Variants in ANO10 observed in about 807,000 individuals in gnomAD.
The protein encoded by ANO10 is anoctamin 10.
Under a neutral mutation model 74.7 loss-of-function variants are expected in ANO10, and 77 were observed. The observed-to-expected ratio is 1.03, with a 90% CI of 0.86 to 1.25. The LOEUF (loss-of-function observed/expected upper bound fraction) is 1.25, where lower values mean the gene tolerates loss of function less well. ANO10 is among the 50% of genes most tolerant of loss of function. The pLI is 0.00. For missense variants in ANO10, 721 were observed against 778.1 expected (o/e 0.93, Z 0.87); for synonymous variants, 279 against 284.9 (o/e 0.98, Z 0.21).
chr3:43,595,513 CAT>C (rs2082033053), intron 4 of ANO10, among the ~76,000 whole-genome samples: 1 of 152,158 alleles, frequency 6.6e-6, no homozygotes, highest in Admixed American at 6.5e-5. Context: ...ACAAAAACCA[CAT>C]GATTATCTCA....
intron 2 of ANO10, among the ~76,000 whole-genome samples, chr3:43,604,371 G>C (rs563340489): frequency 2.0e-5 from 3 of 152,024 alleles, no homozygotes; most frequent in Non-Finnish European, 4.4e-5. Context: ...TGTGGGTATT[G>C]TGCAGAGTAA....
chr3:43,467,407 T>C (rs535684693), intron 11 of ANO10, among the ~76,000 whole-genome samples: 1 of 152,348 alleles, frequency 6.6e-6, no homozygotes, highest in South Asian at 2.1e-4. Flanking sequence ...GGAATAAATA[T>C]TTAGCAATAT....
chr3:43,655,058 A>G (rs2083832070), intron 1 of ANO10, among the ~76,000 whole-genome samples: 1 of 152,224 alleles, frequency 6.6e-6, no homozygotes, highest in South Asian at 2.1e-4. Flanking sequence ...ACTCTCTTTA[A>G]ATCAGAAAAG....
upstream of ANO10, among the ~76,000 whole-genome samples, chr3:43,624,223 A>G (rs2083472997): frequency 1.3e-5 from 2 of 152,170 alleles, no homozygotes; most frequent in African/African-American, 2.4e-5. Flanking sequence ...GCCTGAAACC[A>G]CAGATAGTAC....
chr3:43,428,762 T>C, intron 12 of ANO10, among the ~76,000 whole-genome samples: 1 of 76,528 alleles, frequency 1.3e-5, no homozygotes. Flanking sequence ...TCTGAAAATC[T>C]GAAATACCCC....
intron 12 of ANO10, among the ~76,000 whole-genome samples, chr3:43,402,871 C>T (rs552345933): frequency 3.9e-5 from 6 of 152,262 alleles, no homozygotes; most frequent in South Asian, 2.1e-4. Flanking sequence ...TTACCAAGAC[C>T]GTACCATGGT....
At chr3:43,629,348 A>AC (rs1290739213) in intron 1 of ANO10, among the ~76,000 whole-genome samples, 1 of 152,216 alleles carries the variant, frequency 6.6e-6, no homozygotes, top group African/African-American at 2.4e-5. Flanking sequence ...GGATTTTATT[A>AC]CATGCCTTTT....
At chr3:43,561,426 AT>A in intron 8 of ANO10, 24 bp from the exon 9 acceptor site, 1 of 1,606,402 alleles carries the variant, frequency 6.2e-7, no homozygotes, top group Non-Finnish European at 8.5e-7. Flanking sequence ...CACAAATCAC[AT>A]TTTGGGAATA....
intron 1 of ANO10, among the ~76,000 whole-genome samples, chr3:43,643,494 G>A (rs540419662): frequency 2.7e-4 from 41 of 151,860 alleles, no homozygotes; most frequent in African/African-American, 8.5e-4. Context: ...GGATCCAGAA[G>A]AATTCTAATT....
intron 12 of ANO10, among the ~76,000 whole-genome samples, chr3:43,402,245 C>A (rs1330644882): frequency 6.6e-6 from 1 of 152,132 alleles, no homozygotes; most frequent in Non-Finnish European, 1.5e-5. Context: ...AAGAATGACA[C>A]CCTCAGCCCC....
chr3:43,620,922 G>C (rs1401090355), intron 1 of ANO10, among the ~76,000 whole-genome samples: 1 of 152,214 alleles, frequency 6.6e-6, no homozygotes, highest in Middle Eastern at 3.2e-3. Flanking sequence ...CAGAACAGAT[G>C]ATTTACTTTC....
chr3:43,552,697 GATATATAT>G (rs57438732), intron 10 of ANO10, among the ~76,000 whole-genome samples: 8,847 of 124,364 alleles, frequency 0.071, 369 homozygotes, highest in Admixed American at 0.13. Flanking sequence ...ATTATCTCTG[GATATATAT>G]ATATATATAT....
intron 12 of ANO10, among the ~76,000 whole-genome samples, chr3:43,387,645 C>T (rs1439540586): frequency 6.6e-6 from 1 of 152,112 alleles, no homozygotes; most frequent in African/African-American, 2.4e-5. Context: ...CACTGAACAC[C>T]ATAAACACTG....
At chr3:43,472,213 A>T (rs887065613) in intron 11 of ANO10, among the ~76,000 whole-genome samples, 2 of 152,178 alleles carry the variant, frequency 1.3e-5, no homozygotes, top group African/African-American at 4.8e-5. Flanking sequence ...GAGAGAGAAC[A>T]GATTAGTGGT....
intron 1 of ANO10, among the ~76,000 whole-genome samples, chr3:43,648,293 A>G (rs1032981102): frequency 3.3e-5 from 5 of 152,206 alleles, no homozygotes; most frequent in Non-Finnish European, 5.9e-5. Flanking sequence ...GGCAGGGAGA[A>G]AGTGGCCCTG....
chr3:43,498,464 A>G (rs999430293), intron 11 of ANO10, among the ~76,000 whole-genome samples: 2 of 152,218 alleles, frequency 1.3e-5, no homozygotes, highest in East Asian at 1.9e-4. Context: ...AATTGTGTCA[A>G]TAGGAGAGAC....
At chr3:43,548,005 C>T (rs2079277378) in intron 11 of ANO10, among the ~76,000 whole-genome samples, 1 of 152,156 alleles carries the variant, frequency 6.6e-6, no homozygotes, top group Non-Finnish European at 1.5e-5. Flanking sequence ...AGGTTTTCTG[C>T]GTATTTCAGG....
chr3:43,372,697 T>TA (rs1365865769), intron 12 of ANO10: 2 of 675,532 alleles, frequency 3.0e-6, no homozygotes, highest in African/African-American at 1.8e-5. Flanking sequence ...TGTTTGCAGA[T>TA]TTTTTTTCTG....
intron 11 of ANO10, among the ~76,000 whole-genome samples, chr3:43,469,377 GA>G (rs2075763556): frequency 6.6e-6 from 1 of 152,080 alleles, no homozygotes; most frequent in Non-Finnish European, 1.5e-5. Flanking sequence ...TTGCCCCGCG[GA>G]CAATTCCTTC....
Sources: allele counts gnomAD v4.1 joint callset (sites outside exome capture counted in the v4.1 genomes callset), GRCh38; gene constraint gnomAD v4.1.1; transcripts MANE v1.5; gene names NCBI Gene and HGNC (gene_info 2026-07-23, HGNC 2026-07-21).